HLA-DPA1: variants seen among roughly 807,000 people sequenced by gnomAD.
The protein encoded by HLA-DPA1 is major histocompatibility complex, class II, DP alpha 1.
Under a neutral mutation model 21.5 loss-of-function variants are expected in HLA-DPA1, and 20 were observed. The ratio of observed to expected loss-of-function variants is 0.93; its 90% CI spans 0.66 to 1.35. The LOEUF is 1.35. Ranked by LOEUF, HLA-DPA1 falls within the 40% of genes most tolerant of loss-of-function variation. The probability of loss-of-function intolerance (pLI) is 0.00; values close to 1 mark genes in which losing one functional copy is unlikely to be tolerated. For missense variants in HLA-DPA1, 279 were observed against 323.0 expected (o/e 0.86, Z 1.05); for synonymous variants, 123 against 129.6 (o/e 0.95, Z 0.35).
chr6:33,069,342 G>A (rs1277754772), intron 3 of HLA-DPA1, 42 bp from the exon 3 acceptor site: 2 of 1,568,782 alleles, frequency 1.3e-6, no homozygotes, highest in African/African-American at 2.8e-5. Flanking sequence ...CTTCTGGGAT[G>A]AATCACAAAG....
At position 33,071,499 on chromosome 6, in the gene HLA-DPA1, C is replaced by A. The variant is rs549405603; in HGVS notation, c.101-1613G>T. 3.3e-3 allele frequency among the ~76,000 whole-genome samples: 503 copies of A among 152,230 alleles called. 2 individuals are homozygous for A. Among genetic ancestry groups the A allele is most frequent in the East Asian group, 0.024 (124 of 5,174 alleles). ...GTTCTGCAGTCCAAAGATCAGCCAG[C>A]TATGGAACAGATTATTTTTCTTCAA... On this transcript the variant is annotated intron_variant, in intron 2 of 5. Transcript: ENST00000419277.
chr6:33,074,799 A>G lies in HLA-DPA1; in HGVS notation c.-99-1130T>C, dbSNP rs138949603. Among the ~76,000 whole-genome samples, 657 of 152,330 alleles carry G rather than the reference A, an allele frequency of 4.3e-3. 11 individuals carry two copies. Among genetic ancestry groups the G allele is most frequent in the Middle Eastern group, 0.014 (4 of 294 alleles). On this transcript the variant is annotated intron_variant, in intron 1 of 5. Coordinates refer to ENST00000419277, the Ensembl canonical transcript of HLA-DPA1. The stretch of plus-strand genomic sequence containing the variant: ...CGAGGAAGTATTTGTCTAATTATCT[A>G]TGGCAGGTAAATGACAAGGAGAAAA...
At chr6:33,069,661 T>C (rs1762159118) in exon 3 of HLA-DPA1, 3 of 1,612,362 alleles carry the variant, frequency 1.9e-6, no homozygotes, top group Non-Finnish European at 2.5e-6. Context: ...CTGAGTGTGG[T>C]TGGAACGCTG....
At chr6:33,072,992 C>T (rs1196362849) in intron 2 of HLA-DPA1, among the ~76,000 whole-genome samples, 1 of 152,098 alleles carries the variant, frequency 6.6e-6, no homozygotes, top group Non-Finnish European at 1.5e-5. Context: ...GTCCATAGCT[C>T]GGAGTTCCTG....
chr6:33,076,968 G>A (rs965275316), intron 1 of HLA-DPA1, among the ~76,000 whole-genome samples: 2 of 151,808 alleles, frequency 1.3e-5, no homozygotes, highest in Admixed American at 6.6e-5. Flanking sequence ...TGTGCACAAC[G>A]TGCAGGTTTG....
rs1762533220 is a variant in HLA-DPA1 at position 33,076,276 on chromosome 6, AGAG to A, written c.-99-2610_-99-2608del. On this transcript the variant is annotated intron_variant, in intron 1 of 5. Transcript: ENST00000419277. ...AAGGCAGTGTCCTCTCTTCCCAGCT[AGAG>A]AAAGAGGTTCATCCCCTATAGGATA... 7.9e-6 allele frequency: 5 copies of A among 635,616 alleles called. No individual in the cohort carries two copies. The South Asian group carries it at 9.6e-5, about 12-fold the overall frequency. The allele number at this position is 635,616 out of a possible 1,614,324, so 39.4% of individuals were successfully genotyped here. A position where few individuals can be genotyped will look rare whatever the true frequency, so the allele number is the denominator to read the frequency against.
chr6:33,067,522 G>A (rs1583084177), intron 5 of HLA-DPA1: 3 of 152,304 alleles, frequency 2.0e-5, no homozygotes, highest in Admixed American at 2.0e-4. Flanking sequence ...ACAGCCTGCA[G>A]ATCTGTGAGC....
intron 1 of HLA-DPA1, among the ~76,000 whole-genome samples, chr6:33,076,593 G>C (rs574440755): frequency 1.4e-4 from 22 of 152,318 alleles, no homozygotes; most frequent in African/African-American, 4.8e-4. Flanking sequence ...ATTCCCCAGG[G>C]TGGAGCAGGA....
At chr6:33,066,488 A>G (rs957538398) in intron 5 of HLA-DPA1, 3 of 152,254 alleles carry the variant, frequency 2.0e-5, no homozygotes, top group South Asian at 4.1e-4. Context: ...ACTGTAGGAG[A>G]TGTTTTAAGA....
At chr6:33,069,486 T>C (rs1762147047) in intron 3 of HLA-DPA1, 155 bp downstream of exon 2, 1 of 1,094,562 alleles carries the variant, frequency 9.1e-7, no homozygotes, top group Non-Finnish European at 1.3e-6. Context: ...GAAGAGAGGA[T>C]GCAAGCCCTT....
At chr6:33,072,487 A>G (rs1583098298) in intron 2 of HLA-DPA1, among the ~76,000 whole-genome samples, 1 of 152,232 alleles carries the variant, frequency 6.6e-6, no homozygotes. Context: ...ATTTGCATCT[A>G]TGAAGAGAAG....
intron 1 of HLA-DPA1, chr6:33,076,111 A>C (rs763726124): frequency 6.2e-7 from 1 of 1,611,618 alleles, no homozygotes; most frequent in South Asian, 1.1e-5. Flanking sequence ...GGTGCTGCTC[A>C]CATCTGTGGT....
intron 5 of HLA-DPA1, chr6:33,066,659 A>G (rs1761969691): frequency 6.6e-6 from 1 of 152,222 alleles, no homozygotes; most frequent in African/African-American, 2.4e-5. Context: ...AACATTTGCA[A>G]TGCCTAAAAC....
intron 1 of HLA-DPA1, chr6:33,075,924 G>C (rs1185860015): frequency 5.6e-6 from 4 of 708,456 alleles, no homozygotes; most frequent in African/African-American, 5.4e-5. Context: ...TCCAATCCCA[G>C]GGTCACAGAA....
rs188627284 is a variant in HLA-DPA1 at position 33,080,706 on chromosome 6, C to T, written c.-126G>A. The T allele has an allele frequency of 1.9e-6, 3 of 1,613,156 alleles. No individual in the cohort carries two copies. The highest frequency in any genetic ancestry group is 4.5e-5 in the East Asian group (2 of 44,856). On this transcript the variant is annotated 5_prime_UTR_variant, in exon 1 of 6. Coordinates refer to ENST00000419277, the Ensembl canonical transcript of HLA-DPA1. The surrounding 1 kb of genome is among the most constrained non-coding windows in gnomAD (Gnocchi z 4.3). ...TTTTCCAGGGACGGCAGGAATGCTACGCGTTTAATGGGACACAGCGCTTCC... is the reference window on the plus strand; with the variant it reads ...TTTTCCAGGGACGGCAGGAATGCTATGCGTTTAATGGGACACAGCGCTTCC...
At chr6:33,066,055 C>T (rs924862747) in intron 5 of HLA-DPA1, 1 of 152,200 alleles carries the variant, frequency 6.6e-6, no homozygotes, top group African/African-American at 2.4e-5. Context: ...CCCTACATCA[C>T]CCTAGTCCCA....
At chr6:33,070,336 T>G (rs1238038140) in intron 2 of HLA-DPA1, among the ~76,000 whole-genome samples, 1 of 152,228 alleles carries the variant, frequency 6.6e-6, no homozygotes, top group African/African-American at 2.4e-5. Context: ...AGTTACATAT[T>G]AATAACTTGC....
chr6:33,064,846 G>A (rs17220948), exon 6 of HLA-DPA1: 29,793 of 152,042 alleles, frequency 0.2, 3,513 homozygotes, highest in African/African-American at 0.32. Flanking sequence ...CTGTAGTTAG[G>A]GAAAAACCCA....
chr6:33,067,416 T>G (rs1219290334), intron 5 of HLA-DPA1: 1 of 152,224 alleles, frequency 6.6e-6, no homozygotes, highest in Non-Finnish European at 1.5e-5. Flanking sequence ...TCTCCCTCTA[T>G]GACCATGTGA....
Sources: allele counts gnomAD v4.1 joint callset (sites outside exome capture counted in the v4.1 genomes callset), GRCh38; gene constraint gnomAD v4.1.1; non-coding constraint Gnocchi (gnomAD v3.1); transcripts MANE v1.5; gene names NCBI Gene and HGNC (gene_info 2026-07-23, HGNC 2026-07-21).